The following NIF3L1 variants were observed in gnomAD, a reference collection of about 807,000 sequenced individuals.
NIF3L1 encodes the protein NIF3-like protein 1.
NIF3L1 carries 26 observed loss-of-function variants against 35.0 expected under a neutral mutation model. That is an observed-to-expected ratio of 0.74 (90% confidence interval 0.54 to 1.03). The LOEUF is 1.03. NIF3L1 is among the 50% of genes least tolerant of loss of function. The pLI, the probability that NIF3L1 is intolerant of heterozygous loss-of-function variation, is 0.00. For missense variants in NIF3L1, 449 were observed against 466.3 expected (o/e 0.96, Z 0.34); for synonymous variants, 157 against 178.9 (o/e 0.88, Z 0.98).
chr2:200,900,247 A>G (rs1169280142), intron 6 of NIF3L1, among the ~76,000 whole-genome samples: 1 of 152,168 alleles, frequency 6.6e-6, no homozygotes, highest in Non-Finnish European at 1.5e-5. Flanking sequence ...CATTTAGGAT[A>G]CTACCTAATA....
At chr2:200,902,080 T>C (rs1369743204) in intron 6 of NIF3L1, among the ~76,000 whole-genome samples, 1 of 152,226 alleles carries the variant, frequency 6.6e-6, no homozygotes, top group Non-Finnish European at 1.5e-5. Context: ...TTTTTACTTA[T>C]AGGTGTTTTC....
rs375799814 is a variant in NIF3L1 at position 200,899,485 on chromosome 2, A to G, written c.949+17A>G. 1.0e-4 allele frequency: 165 copies of G among 1,608,266 alleles called. No individual in the cohort carries two copies. The African/African-American group carries it at 2.0e-3, about 19-fold the overall frequency. On this transcript the variant is annotated intron_variant, in intron 6 of 6. Transcript: ENST00000409020. ...ACCTCACAGGTAGGACAGACTTTGG[A>G]TCTCTCTTGGTTTATTTTTTGCAAA...
intron 5 of NIF3L1, among the ~76,000 whole-genome samples, chr2:200,898,464 C>T (rs978820504): frequency 2.6e-5 from 4 of 152,154 alleles, no homozygotes; most frequent in Non-Finnish European, 4.4e-5. Flanking sequence ...CACCTGGTCC[C>T]GCCCTTGACC....
intron 3 of NIF3L1, among the ~76,000 whole-genome samples, 157 bp downstream of exon 3, chr2:200,893,565 A>G (rs2040244137): frequency 6.6e-6 from 1 of 152,208 alleles, no homozygotes; most frequent in East Asian, 1.9e-4. Context: ...GTCCTGGAGA[A>G]CTATGGAATT....
Position 200,895,365 on chromosome 2 carries a change from A to G in NIF3L1, c.701A>G (p.Lys234Arg), listed in dbSNP as rs990703173. The part of the protein sequence containing the change: ...FLSRNKQLYQ[K>R]TEILSLEKPL... ...TCCCGGAACAAACAACTTTATCAGA[A>G]GACGGAAATTCTGTCACTGGAGAAG... is the stretch of plus-strand genomic sequence containing the variant. Residue 234 changes from lysine (K) to arginine (R), a missense_variant, in exon 4 of 7, where the codon AAG becomes AGG. Coordinates refer to ENST00000409020, the MANE Select transcript of NIF3L1 (RefSeq NM_001369441.2). 1 of 1,614,078 alleles carries G rather than the reference A, an allele frequency of 6.2e-7. No individual in the cohort carries two copies.
chr2:200,894,893 C>T (rs1360006858), intron 3 of NIF3L1, among the ~76,000 whole-genome samples: 2 of 152,060 alleles, frequency 1.3e-5, no homozygotes, highest in African/African-American at 2.4e-5. Context: ...TTCTGATGCA[C>T]AATCGGGATT....
At chr2:200,899,154 CA>C in intron 5 of NIF3L1, 1 of 317,912 alleles carries the variant, frequency 3.1e-6, no homozygotes, top group Admixed American at 4.8e-5. Flanking sequence ...AAAAAAAAAA[CA>C]CAACAAAGGA....
intron 6 of NIF3L1, among the ~76,000 whole-genome samples, chr2:200,900,903 A>G (rs2040401154): frequency 6.6e-6 from 1 of 152,214 alleles, no homozygotes; most frequent in South Asian, 2.1e-4. Flanking sequence ...ATATTTGTAC[A>G]TTCCCTATGT....
At chr2:200,902,829 A>C (rs2040430527) in intron 6 of NIF3L1, among the ~76,000 whole-genome samples, 1 of 152,182 alleles carries the variant, frequency 6.6e-6, no homozygotes, top group Admixed American at 6.5e-5. Flanking sequence ...TTTATTACTT[A>C]CATAAGAGGC....
Position 200,892,367 on chromosome 2 carries a change from G to A in NIF3L1, c.424G>A (p.Ala142Thr), listed in dbSNP as rs1277848212. The A allele has an allele frequency of 6.3e-7, 1 of 1,593,050 alleles. No homozygotes were observed. Among genetic ancestry groups the A allele is most frequent in the Non-Finnish European group, 8.5e-7 (1 of 1,171,370 alleles). The change falls in exon 2 of 7, where the codon GCT becomes ACT. Residue 142 changes from alanine to threonine, a missense_variant. Transcript: ENST00000409020. The stretch of plus-strand genomic sequence containing the variant: ...GCCCCAGGGCGTCAACAACTGGTTG[G>A]CTAAAGGGCTTGGTGAGAAGCCTCT... ...AAPQGVNNWLAKGLGACTSRP... is the reference protein window; with the variant it reads ...AAPQGVNNWLTKGLGACTSRP...
chr2:200,900,004 T>C (rs1328978984), intron 6 of NIF3L1, among the ~76,000 whole-genome samples: 4 of 152,224 alleles, frequency 2.6e-5, no homozygotes, highest in Admixed American at 2.6e-4. Context: ...TTCATCTGTC[T>C]GGTGGAGCCT....
At chr2:200,896,928 C>T (rs1290175652) in intron 4 of NIF3L1, 148 bp from the exon 5 acceptor site, 1 of 748,694 alleles carries the variant, frequency 1.3e-6, no homozygotes, top group African/African-American at 1.8e-5. Context: ...ACTGTGAACT[C>T]CTAGAAGAAT....
intron 3 of NIF3L1, among the ~76,000 whole-genome samples, chr2:200,893,767 C>T (rs1336181802): frequency 6.6e-6 from 1 of 152,082 alleles, no homozygotes; most frequent in Non-Finnish European, 1.5e-5. Context: ...TCAGTGATTC[C>T]CAAGTGCTTT....
At chr2:200,903,143 A>G (rs1421319871) in intron 6 of NIF3L1, among the ~76,000 whole-genome samples, 1 of 152,196 alleles carries the variant, frequency 6.6e-6, no homozygotes, top group African/African-American at 2.4e-5. Flanking sequence ...CTGGGATTAC[A>G]GGCACGCACC....
At chr2:200,895,167 A>G (rs1028958040) in intron 3 of NIF3L1, 97 bp from the exon 4 acceptor site, 4 of 1,192,776 alleles carry the variant, frequency 3.4e-6, no homozygotes, top group Non-Finnish European at 4.8e-6. Flanking sequence ...TTGGTTCCAC[A>G]TAAATCTAAT....
At chr2:200,893,850 T>A (rs1409230527) in intron 3 of NIF3L1, among the ~76,000 whole-genome samples, 1 of 152,140 alleles carries the variant, frequency 6.6e-6, no homozygotes, top group Non-Finnish European at 1.5e-5. Flanking sequence ...ATGGGAAATA[T>A]TTTTCTGAAT....
intron 3 of NIF3L1, among the ~76,000 whole-genome samples, chr2:200,894,039 TG>T (rs2040253898): frequency 6.6e-6 from 1 of 151,954 alleles, no homozygotes; most frequent in Admixed American, 6.6e-5. Flanking sequence ...CTGGGCGTAG[TG>T]GCGCATGCCT....
At chr2:200,900,597 C>G (rs2040396862) in intron 6 of NIF3L1, among the ~76,000 whole-genome samples, 1 of 152,100 alleles carries the variant, frequency 6.6e-6, no homozygotes, top group Non-Finnish European at 1.5e-5. Flanking sequence ...GGAGCAGCAT[C>G]TGAGCAAGCC....
intron 6 of NIF3L1, among the ~76,000 whole-genome samples, chr2:200,902,294 A>G (rs1032872090): frequency 2.6e-5 from 4 of 152,182 alleles, no homozygotes; most frequent in East Asian, 1.9e-4. Flanking sequence ...TAGGCTGGAC[A>G]TGGTGGCTCA....
Sources: allele counts gnomAD v4.1 joint callset (sites outside exome capture counted in the v4.1 genomes callset), GRCh38; gene constraint gnomAD v4.1.1; transcripts MANE v1.5; gene names NCBI Gene and HGNC (gene_info 2026-07-23, HGNC 2026-07-21).